The following PCDHA4 variants were observed in gnomAD, a reference collection of about 807,000 sequenced individuals.
PCDHA4 encodes protocadherin alpha-4.
Under a neutral mutation model 61.4 loss-of-function variants are expected in PCDHA4, and 49 were observed. The observed-to-expected ratio is 0.80, with a 90% CI of 0.63 to 1.01. The LOEUF (loss-of-function observed/expected upper bound fraction) is 1.01. Ranked by LOEUF, PCDHA4 falls within the 50% of genes least tolerant of loss-of-function variation. The pLI is 0.00. For missense variants in PCDHA4, 1,254 were observed against 1,235.8 expected, an observed-to-expected ratio of 1.01 and a Z score of -0.22; for synonymous variants, 590 against 550.3, an observed-to-expected ratio of 1.07 and a Z score of -1.01.
intron 1 of PCDHA4, among the ~76,000 whole-genome samples, chr5:140,917,700 T>C (rs879971168): frequency 2.0e-5 from 3 of 152,166 alleles, no homozygotes; most frequent in Non-Finnish European, 4.4e-5. Flanking sequence ...GATCAGATAA[T>C]TGTAGGTGTG....
At position 140,864,130 on chromosome 5, in the gene PCDHA4, G is replaced by A. The variant is rs1269875416; in HGVS notation, c.2385+54558G>A. ...TAGTAATAATGAATTAGACTGAGTG[G>A]CTGTTTCCTGTAAATGAGAAAGTTA... On this transcript the variant is annotated intron_variant, in intron 1 of 3. Coordinates refer to ENST00000530339, the MANE Select transcript of PCDHA4 (RefSeq NM_018907.4). 3 of 152,238 alleles carry A rather than the reference G, an allele frequency of 2.0e-5. No individual in the cohort carries two copies. The East Asian group carries it at 5.8e-4, about 29-fold the overall frequency. 9.4% of individuals were successfully genotyped at this position (152,238 alleles called of 1,614,324 possible).
chr5:140,875,356 G>C (rs2055432006), intron 1 of PCDHA4: 5 of 1,446,352 alleles, frequency 3.5e-6, no homozygotes, highest in Admixed American at 5.7e-5. Context: ...TGACTGTGAT[G>C]CTGGAAAAAA....
At chr5:140,902,509 A>G (rs1242435474) in intron 1 of PCDHA4, among the ~76,000 whole-genome samples, 2 of 152,056 alleles carry the variant, frequency 1.3e-5, no homozygotes, top group Non-Finnish European at 2.9e-5. Context: ...TGAGTCTGTC[A>G]TATATGGTTT....
At chr5:140,889,263 GTA>G (rs1262739748) in intron 1 of PCDHA4, among the ~76,000 whole-genome samples, 1 of 151,748 alleles carries the variant, frequency 6.6e-6, no homozygotes, top group Admixed American at 6.6e-5. Flanking sequence ...GTAAAAGTTT[GTA>G]TAATCTTTGA....
intron 1 of PCDHA4, among the ~76,000 whole-genome samples, chr5:140,903,212 A>C (rs1387552422): frequency 6.6e-6 from 1 of 152,192 alleles, no homozygotes; most frequent in African/African-American, 2.4e-5. Flanking sequence ...CACCACATTC[A>C]TGCCAACATC....
chr5:140,909,684 G>A (rs2074634664), intron 1 of PCDHA4, among the ~76,000 whole-genome samples: 1 of 152,220 alleles, frequency 6.6e-6, no homozygotes, highest in Non-Finnish European at 1.5e-5. Context: ...GGGAGCCAAT[G>A]TGGGGGTTCT....
intron 3 of PCDHA4, among the ~76,000 whole-genome samples, chr5:140,997,018 A>G (rs1403831704): frequency 6.6e-6 from 1 of 151,882 alleles, no homozygotes; most frequent in African/African-American, 2.4e-5. Flanking sequence ...ATCCTCCAAT[A>G]TTTTTTTGAA....
intron 3 of PCDHA4, among the ~76,000 whole-genome samples, chr5:140,989,548 T>G (rs914557459): frequency 1.3e-5 from 2 of 152,166 alleles, no homozygotes; most frequent in Non-Finnish European, 2.9e-5. Flanking sequence ...TGTAATTCCT[T>G]TACGTTTTGT....
intron 1 of PCDHA4, chr5:140,824,334 G>A (rs1768090870): frequency 3.1e-6 from 2 of 641,538 alleles, no homozygotes; most frequent in South Asian, 4.4e-5. Context: ...GTGATATTAA[G>A]TGTTTTTAAA....
chr5:140,876,868 G>T, intron 1 of PCDHA4: 1 of 1,614,160 alleles, frequency 6.2e-7, no homozygotes, highest in Non-Finnish European at 8.5e-7. Flanking sequence ...GTTCGTGAAG[G>T]AGAACAACCC....
At chr5:140,834,361 G>C in intron 1 of PCDHA4, 1 of 1,551,090 alleles carries the variant, frequency 6.4e-7, no homozygotes, top group Non-Finnish European at 8.7e-7. Context: ...TTGCTGACTA[G>C]AAAAACAAGC....
chr5:140,916,322 C>T (rs2077526281), intron 1 of PCDHA4, among the ~76,000 whole-genome samples: 1 of 152,066 alleles, frequency 6.6e-6, no homozygotes, highest in Non-Finnish European at 1.5e-5. Context: ...GACAAAGTCC[C>T]CTTTACTTTT....
intron 1 of PCDHA4, chr5:140,929,574 G>A: frequency 2.2e-6 from 1 of 448,534 alleles, no homozygotes; most frequent in Non-Finnish European, 3.9e-6. Flanking sequence ...AACAATAAAA[G>A]TAATATGACA....
intron 1 of PCDHA4, chr5:140,830,325 T>A: frequency 6.2e-7 from 1 of 1,613,570 alleles, no homozygotes. Context: ...TCCAGCGCAG[T>A]GGGGAGCTGG....
chr5:140,995,184 T>G (rs1382886542), intron 3 of PCDHA4, among the ~76,000 whole-genome samples: 3 of 152,168 alleles, frequency 2.0e-5, no homozygotes, highest in African/African-American at 7.2e-5. Flanking sequence ...GCACCTATGA[T>G]AAAGTTTAAT....
intron 1 of PCDHA4, among the ~76,000 whole-genome samples, chr5:140,921,037 T>C (rs2079983245): frequency 1.3e-5 from 2 of 151,986 alleles, no homozygotes; most frequent in Admixed American, 1.3e-4. Context: ...TGGGGTGCAG[T>C]GGGGCAATCA....
At position 140,843,258 on chromosome 5, in the gene PCDHA4, G is replaced by T. The variant is rs2150356116; in HGVS notation, c.2385+33686G>T. 2 of 1,596,068 alleles carry T rather than the reference G, an allele frequency of 1.3e-6. 1 individual carries two copies. The highest frequency in any genetic ancestry group is 3.4e-5 in the Admixed American group (2 of 59,332). ...GACGAAGCGGACTCTCCGCGCCACC[G>T]TCTGCTGGTCCTGGTGAAGGATCAT... On this transcript the variant is annotated intron_variant, in intron 1 of 3. Coordinates refer to ENST00000530339, the MANE Select transcript of PCDHA4 (RefSeq NM_018907.4).
intron 1 of PCDHA4, chr5:140,852,675 C>G: frequency 3.1e-6 from 3 of 968,904 alleles, no homozygotes; most frequent in Non-Finnish European, 3.7e-6. Context: ...CACAACTCAC[C>G]TTGAATATAG....
chr5:140,808,745 C>G lies in PCDHA4; in HGVS notation c.1558C>G (p.Leu520Val). ...TGCGGAGAGCGGCAAGGTGTACGCG[C>G]TGCAGCCGCTGGACCACGAGGAGCT... ...VHAESGKVYALQPLDHEELEL... is the reference protein window; with the variant it reads ...VHAESGKVYAVQPLDHEELEL... The change falls in exon 1 of 4, where the codon CTG (leucine) becomes GTG (valine). Residue 520 changes from leucine (L) to valine (V), a missense_variant. Physicochemically the swap from Leu to Val is conservative, Grantham distance 32. Coordinates refer to ENST00000530339, the MANE Select transcript of PCDHA4 (RefSeq NM_018907.4). 6.2e-7 allele frequency: 1 copy of G among 1,612,126 alleles called. No homozygotes were observed. Among genetic ancestry groups the G allele is most frequent in the Admixed American group, 1.7e-5 (1 of 60,022 alleles).
Sources: allele counts gnomAD v4.1 joint callset (sites outside exome capture counted in the v4.1 genomes callset), GRCh38; gene constraint gnomAD v4.1.1; transcripts MANE v1.5; gene names NCBI Gene and HGNC (gene_info 2026-07-23, HGNC 2026-07-21).